RCAN2: variants seen among roughly 807,000 people sequenced by gnomAD.
The protein encoded by RCAN2 is regulator of calcineurin 2, also known as calcipressin-2.
In RCAN2, 9 loss-of-function variants were observed where a neutral mutation model predicts 23.6. The ratio of observed to expected loss-of-function variants is 0.38; its 90% CI spans 0.23 to 0.67. The LOEUF is 0.67. Ranked by LOEUF, RCAN2 falls within the 30% of genes least tolerant of loss-of-function variation. The probability of loss-of-function intolerance (pLI) is 0.51; values close to 1 mark genes in which losing one functional copy is unlikely to be tolerated. For synonymous variants in RCAN2, 109 were observed against 115.7 expected (o/e 0.94, Z 0.37); for missense variants, 273 against 302.3 (o/e 0.90, Z 0.72).
intron 2 of RCAN2, among the ~76,000 whole-genome samples, chr6:46,250,469 G>A (rs1766671943): frequency 6.6e-6 from 1 of 152,188 alleles, no homozygotes; most frequent in South Asian, 2.1e-4. Flanking sequence ...GGAGATGCAT[G>A]AAATATTAAT....
At position 46,433,283 on chromosome 6, in the gene RCAN2, T is replaced by G. The variant is rs576274297; in HGVS notation, c.225+23469A>C. On this transcript the variant is annotated intron_variant, in intron 2 of 4. Coordinates refer to ENST00000371374, the MANE Select transcript of RCAN2 (RefSeq NM_001251974.2). ...CAGTATAGTATAACCAGTGGTATGC[T>G]GGTTAGCAGCTCTCAGCAGGTGTTA... is the stretch of plus-strand genomic sequence containing the variant. 8.1e-4 allele frequency among the ~76,000 whole-genome samples: 124 copies of G among 152,280 alleles called. No homozygotes were observed. In the South Asian group the frequency reaches 0.012, roughly 15 times the overall value.
Position 46,340,206 on chromosome 6 carries a change from G to A in RCAN2, c.226-91310C>T, listed in dbSNP as rs913505579. ...TACTACTACTACCAAGACAGTCTTC[G>A]GTGCTTGCCATAAAGTCTCCTACTC... On this transcript the variant is annotated intron_variant, in intron 2 of 4. Coordinates refer to ENST00000371374, the MANE Select transcript of RCAN2 (RefSeq NM_001251974.2). 2.6e-5 allele frequency among the ~76,000 whole-genome samples: 4 copies of A among 152,166 alleles called. No homozygotes were observed. In the East Asian group the frequency reaches 7.7e-4, roughly 29 times the overall value.
rs528601469 is a variant in RCAN2 at position 46,350,268 on chromosome 6, A to C, written c.226-101372T>G. The stretch of plus-strand genomic sequence containing the variant: ...AAATTGGAGTAAAAATCTCATATTG[A>C]ACAACATCTAGGAATATTGTGTTGC... On this transcript the variant is annotated intron_variant, in intron 2 of 4. Transcript: ENST00000371374. Among the ~76,000 whole-genome samples, 4 of 152,308 alleles carry C rather than the reference A, an allele frequency of 2.6e-5. No homozygotes were observed. The South Asian group carries it at 8.3e-4, about 32-fold the overall frequency.
intron 2 of RCAN2, among the ~76,000 whole-genome samples, chr6:46,302,988 A>G (rs1561849890): frequency 6.6e-6 from 1 of 151,916 alleles, no homozygotes; most frequent in East Asian, 1.9e-4. Flanking sequence ...CACTGCATAT[A>G]CTGTTGGAGG....
chr6:46,346,681 A>G (rs562681521), intron 2 of RCAN2, among the ~76,000 whole-genome samples: 1 of 152,206 alleles, frequency 6.6e-6, no homozygotes, highest in African/African-American at 2.4e-5. Context: ...ACACATACAT[A>G]TAAAAAGCCT....
intron 2 of RCAN2, among the ~76,000 whole-genome samples, chr6:46,421,930 A>G (rs2150412630): frequency 6.6e-6 from 1 of 152,324 alleles, no homozygotes; most frequent in Admixed American, 6.5e-5. Flanking sequence ...GAGATAGAAA[A>G]CTGTTAGTAA....
chr6:46,368,232 T>A (rs1765225252), intron 2 of RCAN2, among the ~76,000 whole-genome samples: 1 of 152,224 alleles, frequency 6.6e-6, no homozygotes, highest in Non-Finnish European at 1.5e-5. Flanking sequence ...TAGACATACT[T>A]TTCTGCAAAG....
chr6:46,388,121 G>T (rs936610334), intron 2 of RCAN2, among the ~76,000 whole-genome samples: 1 of 151,362 alleles, frequency 6.6e-6, no homozygotes, highest in African/African-American at 2.4e-5. Context: ...GGGTAGGGGG[G>T]AGGGAAAGCA....
chr6:46,244,794 C>T (rs1470153722), intron 4 of RCAN2, among the ~76,000 whole-genome samples: 1 of 152,186 alleles, frequency 6.6e-6, no homozygotes, highest in Admixed American at 6.5e-5. Context: ...CTAGCCAAGA[C>T]CTTAGTGATT....
intron 2 of RCAN2, among the ~76,000 whole-genome samples, chr6:46,404,184 T>C (rs570471558): frequency 6.6e-6 from 1 of 151,890 alleles, no homozygotes; most frequent in Non-Finnish European, 1.5e-5. Flanking sequence ...ACTGCACCAT[T>C]GCACTCCAGG....
chr6:46,339,984 G>C (rs1764257424), intron 2 of RCAN2, among the ~76,000 whole-genome samples: 1 of 151,834 alleles, frequency 6.6e-6, no homozygotes, highest in East Asian at 1.9e-4. Flanking sequence ...CCCACTAGAT[G>C]GTATAAATAA....
chr6:46,245,169 A>C (rs574117425), intron 4 of RCAN2, among the ~76,000 whole-genome samples: 2 of 152,318 alleles, frequency 1.3e-5, no homozygotes, highest in Non-Finnish European at 2.9e-5. Flanking sequence ...TCATCAGCAC[A>C]TGTTAGTTAG....
Position 46,453,001 on chromosome 6 carries a change from CA to C in RCAN2, c.225+3750del, listed in dbSNP as rs571185320. 2.6e-5 allele frequency among the ~76,000 whole-genome samples: 4 copies of C among 152,296 alleles called. No individual in the cohort carries two copies. In the South Asian group the frequency reaches 8.3e-4, roughly 32 times the overall value. On this transcript the variant is annotated intron_variant, in intron 2 of 4. Coordinates refer to ENST00000371374, the MANE Select transcript of RCAN2 (RefSeq NM_001251974.2). Reference sequence around the variant, plus strand: ...ATTGAATTTGGCTAAACATTTCAGTCATTGCTTCACTGTTCCCCTTTAGCAA... The same window carrying C: ...ATTGAATTTGGCTAAACATTTCAGTCTTGCTTCACTGTTCCCCTTTAGCAA...
At chr6:46,400,733 C>G (rs78793395) in intron 2 of RCAN2, among the ~76,000 whole-genome samples, 1 of 152,080 alleles carries the variant, frequency 6.6e-6, no homozygotes, top group Non-Finnish European at 1.5e-5. Flanking sequence ...TGGGAGAGAC[C>G]GGGCCCAGAG....
At chr6:46,321,036 T>C (rs1763598755) in intron 2 of RCAN2, among the ~76,000 whole-genome samples, 1 of 152,202 alleles carries the variant, frequency 6.6e-6, no homozygotes, top group Admixed American at 6.5e-5. Context: ...ATGGCCTCTC[T>C]TTCTACCTAC....
intron 2 of RCAN2, among the ~76,000 whole-genome samples, chr6:46,347,210 G>A (rs1178575310): frequency 6.6e-6 from 1 of 152,138 alleles, no homozygotes; most frequent in Non-Finnish European, 1.5e-5. Context: ...TTTGGATAAT[G>A]CAACACCACA....
chr6:46,491,632 G>A (rs1403337810), upstream of RCAN2, among the ~76,000 whole-genome samples: 1 of 151,900 alleles, frequency 6.6e-6, no homozygotes, highest in South Asian at 2.1e-4. Context: ...GCACCTCCGG[G>A]GCTCTCACCC....
Position 46,391,725 on chromosome 6 carries a change from G to C in RCAN2, c.225+65027C>G, listed in dbSNP as rs559432177. ...AAACAACCAATCATCTTTTATTGAA[G>C]ATAAAAGTACCATTCTCTACTATTG... On this transcript the variant is annotated intron_variant, in intron 2 of 4. Transcript: ENST00000371374. 3.9e-5 allele frequency among the ~76,000 whole-genome samples: 6 copies of C among 152,196 alleles called. No homozygotes were observed. In the South Asian group the frequency reaches 1.2e-3, roughly 32 times the overall value.
intron 1 of RCAN2, among the ~76,000 whole-genome samples, chr6:46,486,406 G>C (rs1768991388): frequency 6.6e-6 from 1 of 152,192 alleles, no homozygotes; most frequent in African/African-American, 2.4e-5. Context: ...AGGTCACATA[G>C]CAGGGAAATG....
Sources: gnomAD v4.1 joint callset for allele counts (sites outside exome capture counted in the v4.1 genomes callset) on GRCh38, gnomAD v4.1.1 for gene constraint, MANE v1.5 for transcripts, NCBI Gene and HGNC (gene_info 2026-07-23, HGNC 2026-07-21) for gene names.